Variants in CTNNA3 observed in about 807,000 individuals in gnomAD.
CTNNA3 encodes catenin alpha 3.
A neutral mutation model predicts 95.7 loss-of-function variants in CTNNA3; 76 were observed. The ratio of observed to expected loss-of-function variants is 0.79; its 90% CI spans 0.66 to 0.96. The LOEUF is 0.96. CTNNA3 is among the 40% of genes least tolerant of loss of function. The probability of loss-of-function intolerance (pLI) is 0.00; values close to 1 mark genes in which losing one functional copy is unlikely to be tolerated. For missense variants in CTNNA3, 1,191 were observed against 1,089.8 expected, an observed-to-expected ratio of 1.09 and a Z score of -1.31; for synonymous variants, 431 against 374.4, an observed-to-expected ratio of 1.15 and a Z score of -1.74.
chr10:67,316,190 A>G (rs1255003045), intron 5 of CTNNA3, among the ~76,000 whole-genome samples: 3 of 152,140 alleles, frequency 2.0e-5, no homozygotes, highest in Non-Finnish European at 4.4e-5. Context: ...TTAAAATGCC[A>G]TGTATACTGT....
chr10:66,102,848 C>CT (rs770269331), intron 14 of CTNNA3, among the ~76,000 whole-genome samples: 1 of 152,036 alleles, frequency 6.6e-6, no homozygotes, highest in African/African-American at 2.4e-5. Context: ...TTCTTCGTTT[C>CT]TTTTTTCTAG....
intron 9 of CTNNA3, among the ~76,000 whole-genome samples, chr10:66,720,331 G>A (rs1848586812): frequency 6.6e-6 from 1 of 151,722 alleles, no homozygotes; most frequent in Admixed American, 6.6e-5. Flanking sequence ...TCCCAAGCTT[G>A]CTTTATAAAC....
intron 12 of CTNNA3, among the ~76,000 whole-genome samples, chr10:66,357,606 T>C (rs1363754505): frequency 6.6e-6 from 1 of 152,106 alleles, no homozygotes; most frequent in Non-Finnish European, 1.5e-5. Context: ...TCATAAAATA[T>C]ATAGTGTTTG....
intron 9 of CTNNA3, among the ~76,000 whole-genome samples, chr10:66,644,282 C>G (rs909183837): frequency 2.0e-5 from 2 of 100,676 alleles, no homozygotes; most frequent in Non-Finnish European, 4.0e-5. Flanking sequence ...GTCTGTCTGT[C>G]TGTCTGTCTG....
At chr10:66,966,369 TAATGA>T (rs1849410853) in intron 7 of CTNNA3, among the ~76,000 whole-genome samples, 1 of 152,146 alleles carries the variant, frequency 6.6e-6, no homozygotes, top group South Asian at 2.1e-4. Context: ...AGACTTTGTA[TAATGA>T]AATGAAAAAT....
intron 17 of CTNNA3, among the ~76,000 whole-genome samples, chr10:65,951,962 G>A (rs1295189620): frequency 6.7e-6 from 1 of 149,826 alleles, no homozygotes; most frequent in Non-Finnish European, 1.5e-5. Flanking sequence ...CCCGGGAGGC[G>A]GAGCTTGCAG....
At chr10:66,173,682 C>A (rs1040121167) in intron 13 of CTNNA3, among the ~76,000 whole-genome samples, 4 of 151,008 alleles carry the variant, frequency 2.6e-5, no homozygotes, top group African/African-American at 9.7e-5. Context: ...GACCCTATCT[C>A]AAAAAAAATC....
At chr10:67,317,427 T>C in intron 5 of CTNNA3, among the ~76,000 whole-genome samples, 1 of 84,436 alleles carries the variant, frequency 1.2e-5, no homozygotes, top group East Asian at 4.8e-4. Context: ...GTGTTCTCAT[T>C]GTTCTTTTTT....
chr10:67,140,099 T>C (rs991334861), intron 7 of CTNNA3, among the ~76,000 whole-genome samples: 8 of 152,334 alleles, frequency 5.3e-5, no homozygotes, highest in African/African-American at 1.7e-4. Flanking sequence ...ATGTTTTATT[T>C]CTTACCTTTG....
chr10:67,647,581 T>A (rs1234489401), intron 1 of CTNNA3, 63 bp from the exon 2 acceptor site: 2 of 1,333,436 alleles, frequency 1.5e-6, no homozygotes, highest in Admixed American at 1.8e-5. Flanking sequence ...GAAGAACACT[T>A]ATGAAATCAT....
chr10:67,394,208 T>C (rs897312058), intron 5 of CTNNA3, among the ~76,000 whole-genome samples: 2 of 151,878 alleles, frequency 1.3e-5, no homozygotes, highest in African/African-American at 4.8e-5. Flanking sequence ...CCTAATCATG[T>C]AAAATAAGAT....
chr10:66,996,862 A>C (rs77662984), intron 7 of CTNNA3, among the ~76,000 whole-genome samples: 2,055 of 152,184 alleles, frequency 0.014, 47 homozygotes, highest in African/African-American at 0.046. Flanking sequence ...CATGTGAACT[A>C]ACATCTGTAA....
intron 5 of CTNNA3, among the ~76,000 whole-genome samples, chr10:67,234,050 C>G (rs1865343777): frequency 6.6e-6 from 1 of 152,096 alleles, no homozygotes; most frequent in Admixed American, 6.5e-5. Context: ...GAGTCCAGGA[C>G]CAGCTGGATT....
intron 5 of CTNNA3, among the ~76,000 whole-genome samples, chr10:67,514,654 G>A (rs1225904196): frequency 6.6e-6 from 1 of 151,252 alleles, no homozygotes; most frequent in African/African-American, 2.4e-5. Flanking sequence ...CCATATTGAT[G>A]CAAACACTGA....
intron 13 of CTNNA3, among the ~76,000 whole-genome samples, chr10:66,120,970 G>C (rs900551509): frequency 5.3e-5 from 8 of 152,134 alleles, no homozygotes; most frequent in Admixed American, 4.6e-4. Flanking sequence ...AATAACCCAG[G>C]TGCGAAGGCC....
At chr10:66,496,349 A>G (rs1840097877) in intron 11 of CTNNA3, among the ~76,000 whole-genome samples, 1 of 152,230 alleles carries the variant, frequency 6.6e-6, no homozygotes, top group Non-Finnish European at 1.5e-5. Flanking sequence ...GTTGTATTTT[A>G]AAACGATATA....
chr10:66,750,301 C>T (rs556207093), intron 9 of CTNNA3, among the ~76,000 whole-genome samples: 10 of 152,140 alleles, frequency 6.6e-5, no homozygotes, highest in Non-Finnish European at 1.3e-4. Flanking sequence ...TTCTCAAAAT[C>T]ATCTAGATTT....
chr10:67,070,475 G>A lies in CTNNA3; in HGVS notation c.1047+109842C>T, dbSNP rs147726705. On this transcript the variant is annotated intron_variant, in intron 7 of 17. Transcript: ENST00000433211. ...GATTAAGAAATCCTTGTGGCGGGGA[G>A]CAGTGTCTCGTGCCTGTAATCTCAG... 5.8e-3 allele frequency among the ~76,000 whole-genome samples: 878 copies of A among 152,090 alleles called. 3 individuals carry two copies. Among genetic ancestry groups the A allele is most frequent in the Middle Eastern group, 0.024 (7 of 294 alleles).
At chr10:66,338,745 A>G (rs562199036) in intron 12 of CTNNA3, among the ~76,000 whole-genome samples, 6 of 152,064 alleles carry the variant, frequency 3.9e-5, no homozygotes, top group African/African-American at 1.4e-4. Context: ...GGAACTGAGC[A>G]GATTAGAACA....
Sources: allele counts gnomAD v4.1 joint callset (sites outside exome capture counted in the v4.1 genomes callset), GRCh38; gene constraint gnomAD v4.1.1; transcripts MANE v1.5; gene names NCBI Gene and HGNC (gene_info 2026-07-23, HGNC 2026-07-21).